The following DHRSX variants were observed in gnomAD, a reference collection of about 807,000 sequenced individuals.
DHRSX encodes the protein dehydrogenase/reductase X-linked, also known as polyprenol dehydrogenase.
In DHRSX, 31 loss-of-function variants were observed where a neutral mutation model predicts 34.0. That is an observed-to-expected ratio of 0.91 (90% CI 0.69 to 1.23). The LOEUF is 1.23. Ranked by LOEUF, DHRSX falls within the 50% of genes most tolerant of loss-of-function variation. The probability of loss-of-function intolerance (pLI) is 0.00; values close to 1 mark genes in which losing one functional copy is unlikely to be tolerated. For synonymous variants in DHRSX, 201 were observed against 183.8 expected (o/e 1.09, Z -0.76); for missense variants, 414 against 428.1 (o/e 0.97, Z 0.29).
intron 1 of DHRSX, among the ~76,000 whole-genome samples, chrX:2,447,474 G>A (rs2044153484): frequency 6.6e-6 from 1 of 152,178 alleles, no homozygotes; most frequent in African/African-American, 2.4e-5. Flanking sequence ...TTCAGTCATG[G>A]GCCTGTGAAA....
At chrX:2,484,709 C>T (rs1383709268) in intron 1 of DHRSX, among the ~76,000 whole-genome samples, 1 of 152,104 alleles carries the variant, frequency 6.6e-6, no homozygotes, top group Non-Finnish European at 1.5e-5. Context: ...GCAGAAATCA[C>T]TGGGAAAGGA....
chrX:2,231,970 TC>T (rs1271186331), intron 6 of DHRSX, among the ~76,000 whole-genome samples: 1 of 6,096 alleles, frequency 1.6e-4, no homozygotes, highest in Non-Finnish European at 3.4e-4. Context: ...TTTCTGCCCT[TC>T]TTTCCTTTTC....
chrX:2,483,826 C>T (rs1281562305), intron 1 of DHRSX, among the ~76,000 whole-genome samples: 4 of 150,078 alleles, frequency 2.7e-5, no homozygotes, highest in Admixed American at 2.0e-4. Flanking sequence ...TCAACAAAGT[C>T]CAGCGGTTAT....
chrX:2,422,738 G>A (rs1282157366), intron 2 of DHRSX, among the ~76,000 whole-genome samples: 1 of 152,056 alleles, frequency 6.6e-6, no homozygotes, highest in Non-Finnish European at 1.5e-5. Context: ...CAACCCAGGA[G>A]TTCAAGACCA....
chrX:2,490,944 T>C (rs2045121313), intron 1 of DHRSX, among the ~76,000 whole-genome samples: 1 of 152,124 alleles, frequency 6.6e-6, no homozygotes, highest in African/African-American at 2.4e-5. Flanking sequence ...GGAGGGAACC[T>C]AGCGCAGGAA....
intron 4 of DHRSX, among the ~76,000 whole-genome samples, chrX:2,274,836 G>A (rs1358080603): frequency 6.6e-6 from 1 of 152,190 alleles, no homozygotes; most frequent in African/African-American, 2.4e-5. Context: ...TTCTGAAGGA[G>A]AAATTGTTTT....
At chrX:2,303,753 T>TGGGTGGG in intron 3 of DHRSX, among the ~76,000 whole-genome samples, 1 of 134,172 alleles carries the variant, frequency 7.5e-6, no homozygotes, top group South Asian at 2.5e-4. Flanking sequence ...GATGGATGGA[T>TGGGTGGG]TGGATAGATG....
At chrX:2,323,396 A>C (rs1004388952) in intron 3 of DHRSX, among the ~76,000 whole-genome samples, 1 of 152,122 alleles carries the variant, frequency 6.6e-6, no homozygotes, top group African/African-American at 2.4e-5. Context: ...CACTCAGAGT[A>C]CTCCAACTAC....
At chrX:2,483,471 G>A (rs1236653881) in intron 1 of DHRSX, among the ~76,000 whole-genome samples, 1 of 151,914 alleles carries the variant, frequency 6.6e-6, no homozygotes, top group African/African-American at 2.4e-5. Context: ...GTTTGGCCAT[G>A]TTGCCCAGGC....
intron 5 of DHRSX, among the ~76,000 whole-genome samples, chrX:2,254,127 T>A (rs183362169): frequency 4.7e-4 from 72 of 152,282 alleles, no homozygotes; most frequent in African/African-American, 1.7e-3. Flanking sequence ...TGTAAACGTG[T>A]CATATCTCGG....
At chrX:2,377,834 G>A (rs1478175635) in intron 3 of DHRSX, among the ~76,000 whole-genome samples, 7 of 151,888 alleles carry the variant, frequency 4.6e-5, no homozygotes, top group Non-Finnish European at 1.0e-4. Flanking sequence ...CGCCTCCCGG[G>A]TTCAAGTGAT....
chrX:2,265,718 GTATA>G (rs2041450374), intron 5 of DHRSX, among the ~76,000 whole-genome samples: 2 of 145,314 alleles, frequency 1.4e-5, no homozygotes, highest in Non-Finnish European at 3.0e-5. Context: ...GAGCACCAGT[GTATA>G]GCAGATGCAG....
At chrX:2,223,385 G>A (rs2015564863) in intron 6 of DHRSX, among the ~76,000 whole-genome samples, 1 of 152,108 alleles carries the variant, frequency 6.6e-6, no homozygotes, top group African/African-American at 2.4e-5. Flanking sequence ...ATGGAACTGA[G>A]TCCATTAAGC....
intron 3 of DHRSX, among the ~76,000 whole-genome samples, chrX:2,321,884 C>T (rs765918454): frequency 1.3e-5 from 2 of 152,146 alleles, no homozygotes; most frequent in African/African-American, 4.8e-5. Context: ...AGGATGAAGA[C>T]CTTCATGACG....
At chrX:2,480,275 T>C (rs2044748992) in intron 1 of DHRSX, among the ~76,000 whole-genome samples, 3 of 150,620 alleles carry the variant, frequency 2.0e-5, no homozygotes. Context: ...GAGAGACAAA[T>C]ACTGTATCAT....
At chrX:2,276,117 C>T (rs192642460) in intron 4 of DHRSX, among the ~76,000 whole-genome samples, 5,406 of 152,302 alleles carry the variant, frequency 0.035, 335 homozygotes, top group African/African-American at 0.12. Context: ...GCTGGGATTA[C>T]AGGCGTGGGC....
chrX:2,235,505 G>A (rs182229528), intron 6 of DHRSX, among the ~76,000 whole-genome samples: 1 of 151,968 alleles, frequency 6.6e-6, no homozygotes, highest in African/African-American at 2.4e-5. Flanking sequence ...AGCACTCTGG[G>A]AGGCCGAGGC....
Position 2,424,138 on chromosome X carries a change from G to A in DHRSX, c.217+1059C>T, listed in dbSNP as rs139262684. ...TGTCCTTATAAGGAGAGCATATGAG[G>A]ACACGGACACACACAGAGGGATGAC... On this transcript the variant is annotated intron_variant, in intron 2 of 6. Transcript: ENST00000334651. Among the ~76,000 whole-genome samples the A allele has an allele frequency of 1.6e-3, 243 of 152,218 alleles. 9 individuals carry two copies. In the East Asian group the frequency reaches 0.046, roughly 29 times the overall value.
At chrX:2,282,793 AAGAAAGAG>A (rs1394376748) in intron 4 of DHRSX, among the ~76,000 whole-genome samples, 2 of 45,130 alleles carry the variant, frequency 4.4e-5, no homozygotes, top group Non-Finnish European at 1.0e-4. Flanking sequence ...GGAGAGAGAG[AAGAAAGAG>A]AGAAGAGAGA....
Sources: allele counts gnomAD v4.1 joint callset (sites outside exome capture counted in the v4.1 genomes callset), GRCh38; gene constraint gnomAD v4.1.1; transcripts MANE v1.5; gene names NCBI Gene and HGNC (gene_info 2026-07-23, HGNC 2026-07-21).